The following PNPLA5 variants were observed in gnomAD, a reference collection of about 807,000 sequenced individuals.
PNPLA5 encodes patatin like domain 5, triacylglycerol lipase.
In PNPLA5, 44 loss-of-function variants were observed where a neutral mutation model predicts 49.1. That is an observed-to-expected ratio of 0.90 (90% CI 0.70 to 1.15). The LOEUF (loss-of-function observed/expected upper bound fraction) is 1.15, where lower values mean the gene tolerates loss of function less well. Ranked by LOEUF, PNPLA5 falls within the 50% of genes most tolerant of loss-of-function variation. The pLI, the probability that PNPLA5 is intolerant of heterozygous loss-of-function variation, is 0.00. For missense variants in PNPLA5, 603 were observed against 564.0 expected (o/e 1.07, Z -0.70); for synonymous variants, 243 against 244.4 (o/e 0.99, Z 0.06).
rs542805384 is a variant in PNPLA5, at chr22:43,888,006, G to T, written c.703-355C>A. Among the ~76,000 whole-genome samples, 125 of 152,290 alleles carry T rather than the reference G, an allele frequency of 8.2e-4. No homozygotes were observed. In the Middle Eastern group the frequency reaches 0.017, roughly 21 times the overall value. On this transcript the variant is annotated intron_variant, in intron 4 of 8. Transcript: ENST00000216177. Reference sequence around the variant, plus strand: ...CAAGGCCTGGGATGGCTGGGACTTTGTCTGGCCCCTTGTAGGGCAGTGGAT... The same window carrying T: ...CAAGGCCTGGGATGGCTGGGACTTTTTCTGGCCCCTTGTAGGGCAGTGGAT...
At position 43,880,423 on chromosome 22, in the gene PNPLA5, G is replaced by A; in HGVS notation, c.*372C>T. ...TTGGCTCCTCTGGTCTCTGACGCGG[G>A]CATCAGGCACTTTCTCAATCTTCTG... On this transcript the variant is annotated 3_prime_UTR_variant, in exon 9 of 9. Coordinates refer to ENST00000216177, the MANE Select transcript of PNPLA5 (RefSeq NM_138814.4). 1 of 398,768 alleles carries A rather than the reference G, an allele frequency of 2.5e-6. No individual in the cohort carries two copies. The highest frequency in any genetic ancestry group is 4.4e-6 in the Non-Finnish European group (1 of 226,176). The allele number at this position is 398,768 out of a possible 1,614,324, so 24.7% of individuals were successfully genotyped here. A position where few individuals can be genotyped will look rare whatever the true frequency, so the allele number is the denominator to read the frequency against.
In PNPLA5 at chr22:43,891,714, A is replaced by G; in HGVS notation, c.167T>C (p.Val56Ala). Reference protein sequence around the residue: ...YGSSSGALNAVSIVCGKSVDF... With the variant: ...YGSSSGALNAASIVCGKSVDF... ...GACCGACTTGCCGCAGACGATGCTG[A>G]CTGCGTTGAGCGCCCCAGACGAGGA... Residue 56 changes from valine (V) to alanine (A), a missense_variant, in exon 1 of 9, where the codon GTC becomes GCC. Coordinates refer to ENST00000216177, the MANE Select transcript of PNPLA5 (RefSeq NM_138814.4). The G allele has an allele frequency of 6.5e-7, 1 of 1,548,024 alleles. No individual in the cohort carries two copies. The highest frequency in any genetic ancestry group is 8.7e-7 in the Non-Finnish European group (1 of 1,146,080).
intron 4 of PNPLA5, among the ~76,000 whole-genome samples, chr22:43,888,371 A>AGTGTGTGTGTGTGT (rs35343347): frequency 1.6e-3 from 184 of 112,986 alleles, no homozygotes; most frequent in African/African-American, 6.0e-3. Context: ...GGGGCAGAGG[A>AGTGTGTGTGTGTGT]GTGTGTGTGT....
At chr22:43,887,418 T>G (rs2049677070) in intron 5 of PNPLA5, among the ~76,000 whole-genome samples, 173 bp downstream of exon 5, 1 of 152,162 alleles carries the variant, frequency 6.6e-6, no homozygotes, top group South Asian at 2.1e-4. Context: ...CAGTGGAACT[T>G]GTATGTGATT....
Position 43,889,363 on chromosome 22 carries a change from A to G in PNPLA5, c.668T>C (p.Leu223Pro). 1 of 1,614,044 alleles carries G rather than the reference A, an allele frequency of 6.2e-7. No homozygotes were observed. Among genetic ancestry groups the G allele is most frequent in the Non-Finnish European group, 8.5e-7 (1 of 1,180,010 alleles). ...SFQISTENFF[L>P]GLICLIPPSL... ...GGGGGGTATGAGACATATGAGCCCCAGGAAGAAGTTCTCAGTGGAGATTTG... is the reference window on the plus strand; with the variant it reads ...GGGGGGTATGAGACATATGAGCCCCGGGAAGAAGTTCTCAGTGGAGATTTG... The change falls in exon 4 of 9, where the codon CTG becomes CCG. Residue 223 changes from leucine (L) to proline (P), a missense_variant. Transcript: ENST00000216177.
rs1477745950 is a variant in PNPLA5 at position 43,889,363 on chromosome 22, AG to A, written c.667del (p.Leu223TrpfsTer13). ...GGGGGGTATGAGACATATGAGCCCCAGGAAGAAGTTCTCAGTGGAGATTTGG... is the reference window on the plus strand; with the variant it reads ...GGGGGGTATGAGACATATGAGCCCCAGAAGAAGTTCTCAGTGGAGATTTGG... ...SFQISTENFF[L>X]GLICLIPPSL... On this transcript the variant is annotated frameshift_variant, in exon 4 of 9. Coordinates refer to ENST00000216177, the MANE Select transcript of PNPLA5 (RefSeq NM_138814.4). LOFTEE classifies it high-confidence loss of function. 1 of 1,614,044 alleles carries A rather than the reference AG, an allele frequency of 6.2e-7. No individual in the cohort carries two copies. Among genetic ancestry groups the A allele is most frequent in the East Asian group, 2.2e-5 (1 of 44,874 alleles).
At chr22:43,883,054 C>G (rs1197807137) in intron 7 of PNPLA5, among the ~76,000 whole-genome samples, 1 of 151,980 alleles carries the variant, frequency 6.6e-6, no homozygotes, top group Non-Finnish European at 1.5e-5. Context: ...CCTTCCTGCT[C>G]CTCGAATGGG....
chr22:43,887,831 A>C lies in PNPLA5; in HGVS notation c.703-180T>G, dbSNP rs376463030. 6.5e-5 allele frequency: 60 copies of C among 918,676 alleles called. No homozygotes were observed. The African/African-American group carries it at 1.1e-3, about 16-fold the overall frequency. 56.9% of individuals were successfully genotyped at this position (918,676 alleles called of 1,614,324 possible). A position where few individuals can be genotyped will look rare whatever the true frequency, so the allele number is the denominator to read the frequency against. ...GGGCAGGACCTTAGCACTGGGCAGGAGGGGCCAGAGGCCTGCAGGCAGAAC... is the reference window on the plus strand; with the variant it reads ...GGGCAGGACCTTAGCACTGGGCAGGCGGGGCCAGAGGCCTGCAGGCAGAAC... On this transcript the variant is annotated intron_variant, in intron 4 of 8. Coordinates refer to ENST00000216177, the MANE Select transcript of PNPLA5 (RefSeq NM_138814.4).
intron 4 of PNPLA5, 100 bp from the exon 5 acceptor site, chr22:43,887,751 C>T: frequency 1.9e-6 from 3 of 1,540,830 alleles, no homozygotes; most frequent in East Asian, 4.9e-5. Context: ...GAAATAGTCC[C>T]AGCCCAGCCT....
At chr22:43,883,810 GAAAA>G (rs79338006) in intron 7 of PNPLA5, among the ~76,000 whole-genome samples, 69 of 118,544 alleles carry the variant, frequency 5.8e-4, no homozygotes, top group Admixed American at 5.4e-4. Flanking sequence ...GACTCTGTCA[GAAAA>G]AAAAAAAGAA....
chr22:43,890,627 A>C (rs2049712798), intron 2 of PNPLA5, among the ~76,000 whole-genome samples: 1 of 152,208 alleles, frequency 6.6e-6, no homozygotes, highest in Admixed American at 6.5e-5. Flanking sequence ...CTGAGCATAG[A>C]AGCCCCAGGA....
In PNPLA5 at chr22:43,889,542, C is replaced by CA. The variant is rs761193417; in HGVS notation, c.493-5dup. 6.9e-6 allele frequency: 11 copies of CA among 1,598,988 alleles called. No homozygotes were observed. The South Asian group carries it at 1.2e-4, about 18-fold the overall frequency. ...TCAGAGCCCCATCGATGTAGCGCTG[C>CA]AATTTGTGGGGAGCAGGTGGGTGGT... On this transcript the variant is annotated splice_region_variant and splice_polypyrimidine_tract_variant and intron_variant, in intron 3 of 8. Coordinates refer to ENST00000216177, the MANE Select transcript of PNPLA5 (RefSeq NM_138814.4).
chr22:43,889,899 GCATGCTTCTTGCATTCAGAACCTT>G, intron 2 of PNPLA5, 35 bp from the exon 3 acceptor site: 1 of 1,609,584 alleles, frequency 6.2e-7, no homozygotes, highest in Non-Finnish European at 8.5e-7. Flanking sequence ...ACACAACTGT[GCATGCTTCTTGCATTCAGAACCTT>G]CCTAGGCACG....
In PNPLA5 at chr22:43,889,756, C is replaced by T. The variant is rs1302122596; in HGVS notation, c.492+43G>A. On this transcript the variant is annotated intron_variant, in intron 3 of 8. Coordinates refer to ENST00000216177, the MANE Select transcript of PNPLA5 (RefSeq NM_138814.4). ...AAGCACCTCTCCACGGTGTGCACCC[C>T]AGGCTGCCCAGAGCACAGAACGGGG... 3 of 1,595,380 alleles carry T rather than the reference C, an allele frequency of 1.9e-6. No individual in the cohort carries two copies. In the East Asian group the frequency reaches 6.7e-5, roughly 36 times the overall value.
At chr22:43,888,247 C>T (rs1029206514) in intron 4 of PNPLA5, among the ~76,000 whole-genome samples, 6 of 151,944 alleles carry the variant, frequency 3.9e-5, no homozygotes, top group South Asian at 4.2e-4. Context: ...GTTTCCTGCC[C>T]GCCCAGGGGT....
chr22:43,888,784 C>T (rs1009869654), intron 4 of PNPLA5, among the ~76,000 whole-genome samples: 1 of 152,156 alleles, frequency 6.6e-6, no homozygotes, highest in Non-Finnish European at 1.5e-5. Flanking sequence ...TCCAGAAATA[C>T]CAAGGGGTAA....
In PNPLA5 at chr22:43,891,770, G is replaced by A; in HGVS notation, c.111C>T (p.Arg37=). 2.0e-6 allele frequency: 3 copies of A among 1,534,456 alleles called. No individual in the cohort carries two copies. The highest frequency in any genetic ancestry group is 2.6e-6 in the Non-Finnish European group (3 of 1,142,232). The change falls in exon 1 of 9, where the codon CGC becomes CGT. Residue 37 remains arginine (R), a synonymous_variant. Transcript: ENST00000216177. ...AGATGCGGCGGGCGCCCTGGAGGAG[G>A]CGCGGGGCTCGCTGGCGCAGGCATT... ...ATECLRQRAP[R]LLQGARRIYG...
chr22:43,890,662 C>A (rs1165983240), intron 2 of PNPLA5, among the ~76,000 whole-genome samples: 1 of 152,186 alleles, frequency 6.6e-6, no homozygotes, highest in African/African-American at 2.4e-5. Flanking sequence ...GTCTGTTTTG[C>A]TCCCTGTTAC....
In PNPLA5 at chr22:43,880,181, C is replaced by T; in HGVS notation, c.*614G>A. ...GAGGCTGTGGGGATAGCAGGGGCCA[C>T]TGGGCCCAACAGAAGCACCCACAGC... On this transcript the variant is annotated 3_prime_UTR_variant, in exon 9 of 9. Coordinates refer to ENST00000216177, the MANE Select transcript of PNPLA5 (RefSeq NM_138814.4). 1 of 380,174 alleles carries T rather than the reference C, an allele frequency of 2.6e-6. No individual in the cohort carries two copies. The highest frequency in any genetic ancestry group is 4.7e-6 in the Non-Finnish European group (1 of 214,848). 23.6% of individuals were successfully genotyped at this position (380,174 alleles called of 1,614,324 possible). A position where few individuals can be genotyped will look rare whatever the true frequency, so the allele number is the denominator to read the frequency against.
Sources: allele counts gnomAD v4.1 joint callset (sites outside exome capture counted in the v4.1 genomes callset), GRCh38; gene constraint gnomAD v4.1.1; transcripts MANE v1.5; gene names NCBI Gene and HGNC (gene_info 2026-07-23, HGNC 2026-07-21).